TFEC: variants seen among roughly 807,000 people sequenced by gnomAD.
The protein encoded by TFEC is transcription factor EC.
A neutral mutation model predicts 41.6 loss-of-function variants in TFEC; 31 were observed. The observed-to-expected ratio is 0.74, with a 90% CI of 0.56 to 1.01. The LOEUF is 1.01. Among genes scored for constraint, TFEC ranks in the 50% least tolerant of loss-of-function variants. The probability of loss-of-function intolerance (pLI) is 0.00; values close to 1 mark genes in which losing one functional copy is unlikely to be tolerated. For synonymous variants in TFEC, 143 were observed against 140.6 expected, an observed-to-expected ratio of 1.02 and a Z score of -0.12; for missense variants, 402 against 404.1, an observed-to-expected ratio of 0.99 and a Z score of 0.04.
intron 1 of TFEC, among the ~76,000 whole-genome samples, chr7:116,134,324 G>A (rs1399522876): frequency 6.6e-6 from 1 of 151,960 alleles, no homozygotes; most frequent in Non-Finnish European, 1.5e-5. Flanking sequence ...CTGTTCTCAT[G>A]CTAGATATAA....
At position 116,016,432 on chromosome 7, in the gene TFEC, A is replaced by C. The variant is rs540261477; in HGVS notation, c.-73+14201T>G. On this transcript the variant is annotated intron_variant, in intron 1 of 7. Coordinates refer to ENST00000265440, the MANE Select transcript of TFEC (RefSeq NM_012252.4). ...ACCAGCTATATGCTAATGACTCCCA[A>C]ATTTGCATTTCTGTTCCCTATCTCT... 8.0e-4 allele frequency among the ~76,000 whole-genome samples: 122 copies of C among 152,114 alleles called. 1 individual carries two copies. The highest frequency in any genetic ancestry group is 2.9e-3 in the African/African-American group (120 of 41,500).
chr7:116,066,827 C>T (rs1210731225), intron 3 of TFEC, among the ~76,000 whole-genome samples: 1 of 151,948 alleles, frequency 6.6e-6, no homozygotes, highest in Non-Finnish European at 1.5e-5. Flanking sequence ...TCACAAAAGG[C>T]TTAAATTATT....
chr7:115,981,773 G>A (rs1480783258), intron 2 of TFEC, among the ~76,000 whole-genome samples: 1 of 152,152 alleles, frequency 6.6e-6, no homozygotes, highest in Non-Finnish European at 1.5e-5. Flanking sequence ...AACCTGAAAT[G>A]AATTTTGAAG....
intron 3 of TFEC, among the ~76,000 whole-genome samples, chr7:115,966,391 G>A (rs1019060795): frequency 2.0e-5 from 3 of 151,610 alleles, no homozygotes; most frequent in Non-Finnish European, 4.4e-5. Context: ...TAAAATACAA[G>A]CATGATCCTA....
At chr7:115,947,283 T>C (rs1049796461) in intron 6 of TFEC, among the ~76,000 whole-genome samples, 128 of 151,702 alleles carry the variant, frequency 8.4e-4, no homozygotes, top group Non-Finnish European at 1.8e-3. Context: ...TATTCCATGG[T>C]GGATATGTGC....
chr7:116,041,238 CT>C (rs1796030841), intron 3 of TFEC, among the ~76,000 whole-genome samples: 1 of 151,494 alleles, frequency 6.6e-6, no homozygotes, highest in South Asian at 2.1e-4. Flanking sequence ...ATATCGTTTC[CT>C]TTTGTTTTGC....
chr7:115,944,830 C>T (rs1473887337), intron 6 of TFEC, among the ~76,000 whole-genome samples: 1 of 151,318 alleles, frequency 6.6e-6, no homozygotes, highest in Non-Finnish European at 1.5e-5. Flanking sequence ...TGACTTGGCA[C>T]ACTCTTAGTA....
intron 2 of TFEC, among the ~76,000 whole-genome samples, chr7:116,111,754 A>T (rs947304619): frequency 2.6e-5 from 4 of 152,072 alleles, no homozygotes; most frequent in African/African-American, 9.7e-5. Context: ...CTCCCATATT[A>T]GGTAAGACAT....
chr7:116,139,592 G>C (rs1235193682), intron 1 of TFEC, among the ~76,000 whole-genome samples: 4 of 152,154 alleles, frequency 2.6e-5, no homozygotes, highest in Non-Finnish European at 5.9e-5. Context: ...TTTAGTTTAT[G>C]ATCAAGGTTA....
intron 6 of TFEC, among the ~76,000 whole-genome samples, chr7:115,949,381 T>C (rs1365777470): frequency 2.0e-5 from 3 of 151,980 alleles, no homozygotes; most frequent in Non-Finnish European, 4.4e-5. Context: ...AAAAAGAGCC[T>C]ACATCGCCAA....
intron 3 of TFEC, among the ~76,000 whole-genome samples, chr7:116,097,209 G>A (rs576370795): frequency 9.9e-5 from 15 of 152,254 alleles, no homozygotes; most frequent in African/African-American, 3.4e-4. Context: ...AGACTATGAA[G>A]TATGTAGACC....
chr7:116,083,543 A>T (rs569321661), intron 3 of TFEC, among the ~76,000 whole-genome samples: 50 of 152,108 alleles, frequency 3.3e-4, no homozygotes, highest in African/African-American at 1.1e-3. Context: ...AAAACTACAC[A>T]GTCACACACT....
At chr7:116,006,271 G>GA (rs891794520) in intron 1 of TFEC, among the ~76,000 whole-genome samples, 2 of 152,180 alleles carry the variant, frequency 1.3e-5, no homozygotes, top group African/African-American at 4.8e-5. Context: ...CATGCACCTG[G>GA]AAAAGCTTCA....
intron 2 of TFEC, among the ~76,000 whole-genome samples, chr7:115,982,770 A>G (rs968541694): frequency 6.6e-6 from 1 of 152,194 alleles, no homozygotes; most frequent in African/African-American, 2.4e-5. Context: ...GCACCCAAAG[A>G]CCACTAAAAA....
chr7:116,081,482 T>C (rs1422096460), intron 3 of TFEC, among the ~76,000 whole-genome samples: 1 of 152,028 alleles, frequency 6.6e-6, no homozygotes, highest in South Asian at 2.1e-4. Flanking sequence ...TCAGCCCTAC[T>C]CTTCTCTATG....
At chr7:116,059,019 GAAAGA>G (rs1182328844) in intron 3 of TFEC, among the ~76,000 whole-genome samples, 1 of 151,422 alleles carries the variant, frequency 6.6e-6, no homozygotes, top group Non-Finnish European at 1.5e-5. Context: ...GTAAGTAAAA[GAAAGA>G]AAATAAGATC....
intron 1 of TFEC, among the ~76,000 whole-genome samples, chr7:115,989,678 G>A (rs1266582375): frequency 6.6e-6 from 1 of 152,192 alleles, no homozygotes; most frequent in Non-Finnish European, 1.5e-5. Flanking sequence ...CTTGGGGAGG[G>A]CCGTCCACCA....
intron 3 of TFEC, among the ~76,000 whole-genome samples, chr7:116,069,090 G>T (rs1554413110): frequency 6.6e-6 from 1 of 151,614 alleles, no homozygotes; most frequent in Non-Finnish European, 1.5e-5. Context: ...GTCATATATA[G>T]AAAGAGTGAT....
chr7:116,107,594 G>A (rs1032012205), intron 3 of TFEC, among the ~76,000 whole-genome samples: 6 of 152,142 alleles, frequency 3.9e-5, no homozygotes, highest in Non-Finnish European at 5.9e-5. Context: ...TGAAGTTCTG[G>A]CTCTAGTCAT....
Sources: allele counts gnomAD v4.1 joint callset (sites outside exome capture counted in the v4.1 genomes callset), GRCh38; gene constraint gnomAD v4.1.1; transcripts MANE v1.5; gene names NCBI Gene and HGNC (gene_info 2026-07-23, HGNC 2026-07-21).